GALC: variants seen among roughly 807,000 people sequenced by gnomAD.
GALC encodes galactocerebrosidase.
GALC carries 77 observed loss-of-function variants against 91.8 expected under a neutral mutation model. The observed-to-expected ratio is 0.84, with a 90% confidence interval of 0.70 to 1.01. The LOEUF (loss-of-function observed/expected upper bound fraction) is 1.01, where lower values mean the gene tolerates loss of function less well. GALC is among the 50% of genes least tolerant of loss of function. GALC has a pLI of 0.00. For missense variants in GALC, 882 were observed against 855.9 expected (o/e 1.03, Z -0.38); for synonymous variants, 357 against 306.7 (o/e 1.16, Z -1.71).
intron 9 of GALC, among the ~76,000 whole-genome samples, chr14:87,964,457 A>T (rs911385459): frequency 6.6e-6 from 1 of 152,166 alleles, no homozygotes; most frequent in Non-Finnish European, 1.5e-5. Context: ...AATGTTTATA[A>T]TCTTTTACAA....
chr14:87,950,727 T>C lies in GALC; in HGVS notation c.1183A>G (p.Ile395Val). The C allele has an allele frequency of 1.3e-6, 2 of 1,596,374 alleles. No homozygotes were observed. The highest frequency in any genetic ancestry group is 2.3e-5 in the East Asian group (1 of 44,226). Reference protein sequence around the residue: ...ETMSHKHSKCIRPFLPYFNVS... With the variant: ...ETMSHKHSKCVRPFLPYFNVS... ...TTGAAATAAGGAAGAAATGGCCGTA[T>C]GCACTTAGAATGTTTATGACTCTGA... The change falls in exon 11 of 17, where the codon ATA (isoleucine) becomes GTA (valine). Residue 395 changes from isoleucine (I) to valine (V), a missense_variant. Physicochemically the swap from Ile to Val is conservative, Grantham distance 29 (BLOSUM62 3). Coordinates refer to ENST00000261304, the MANE Select transcript of GALC (RefSeq NM_000153.4).
intron 7 of GALC, among the ~76,000 whole-genome samples, chr14:87,975,653 G>A (rs1245808950): frequency 6.6e-6 from 1 of 151,872 alleles, no homozygotes. Context: ...GTATTATTCT[G>A]CCTATTTTTG....
intron 6 of GALC, among the ~76,000 whole-genome samples, chr14:87,977,633 G>C (rs1886557896): frequency 6.6e-6 from 1 of 152,158 alleles, no homozygotes; most frequent in Non-Finnish European, 1.5e-5. Context: ...CAAGGACTCG[G>C]AAATCTCTGG....
chr14:87,952,578 T>C (rs539648884), intron 10 of GALC: 83 of 1,173,384 alleles, frequency 7.1e-5, no homozygotes, highest in Non-Finnish European at 9.3e-5. Context: ...TTCTTTAATG[T>C]CCGTTGCTGA....
At chr14:87,988,390 G>A in intron 2 of GALC, 65 bp downstream of exon 2, 1 of 1,301,350 alleles carries the variant, frequency 7.7e-7, no homozygotes, top group Non-Finnish European at 1.1e-6. Context: ...TAAATTCTAT[G>A]GTGAAATTCA....
At position 87,934,237 on chromosome 14, in the gene GALC, C is replaced by T; in HGVS notation, c.*495G>A. The T allele has an allele frequency of 2.9e-6, 4 of 1,364,236 alleles. No homozygotes were observed. The highest frequency in any genetic ancestry group is 1.7e-5 in the South Asian group (1 of 58,742). 84.5% of individuals were successfully genotyped at this position (1,364,236 alleles called of 1,614,324 possible). A position where few individuals can be genotyped will look rare whatever the true frequency, so the allele number is the denominator to read the frequency against. ...ATACTTTTTAGAGCATAAAGCATAA[C>T]AGGTTGAAGTGGTTTTCAAAAAGCT... On this transcript the variant is annotated 3_prime_UTR_variant, in exon 17 of 17. Coordinates refer to ENST00000261304, the MANE Select transcript of GALC (RefSeq NM_000153.4).
intron 10 of GALC, among the ~76,000 whole-genome samples, chr14:87,961,172 AAAG>A (rs1885785594): frequency 6.6e-6 from 1 of 152,230 alleles, no homozygotes; most frequent in Non-Finnish European, 1.5e-5. Flanking sequence ...ACATTTCTCC[AAAG>A]AAGATATACT....
At chr14:87,986,693 C>T (rs1488223738) in intron 3 of GALC, 91 bp from the exon 4 acceptor site, 9 of 753,714 alleles carry the variant, frequency 1.2e-5, no homozygotes, top group Admixed American at 2.0e-5. Flanking sequence ...CAGACACACA[C>T]TTCACAAAAG....
intron 7 of GALC, among the ~76,000 whole-genome samples, chr14:87,969,036 A>T (rs1174837190): frequency 6.6e-6 from 1 of 152,188 alleles, no homozygotes; most frequent in Non-Finnish European, 1.5e-5. Context: ...TCCCAGGCCA[A>T]AAACAAAAAA....
At position 87,941,410 on chromosome 14, in the gene GALC, C is replaced by A. The variant is rs929215561; in HGVS notation, c.1819G>T (p.Val607Phe). ...AGTCAGTTACCTAAATCACCTGTAA[C>A]CCTGTAAGATCCATTTGCAAAAATC... ...FWIFANGSYR[V>F]TGDLAGWIIY... is the part of the protein sequence containing the mutation. The change falls in exon 15 of 17, where the codon GTT becomes TTT. Residue 607 changes from valine to phenylalanine, a missense_variant. By Grantham distance (50) the Val-to-Phe change is conservative (BLOSUM62 -1). Coordinates refer to ENST00000261304, the MANE Select transcript of GALC (RefSeq NM_000153.4). 30 of 1,599,746 alleles carry A rather than the reference C, an allele frequency of 1.9e-5. No individual in the cohort carries two copies. In the Admixed American group the frequency reaches 2.9e-4, roughly 15 times the overall value.
At chr14:87,992,774 TC>T in intron 1 of GALC, 195 bp downstream of exon 1, 1 of 1,416,042 alleles carries the variant, frequency 7.1e-7, no homozygotes, top group Non-Finnish European at 9.2e-7. Context: ...CCTGTCTGGT[TC>T]GTGTTAAACG....
chr14:87,956,040 C>A (rs1885525548), intron 10 of GALC, among the ~76,000 whole-genome samples: 1 of 151,510 alleles, frequency 6.6e-6, no homozygotes, highest in South Asian at 2.1e-4. Context: ...TAACTTCAAA[C>A]CACCCCTGAA....
chr14:87,941,593 A>T, intron 14 of GALC, 35 bp from the exon 15 acceptor site: 1 of 1,357,004 alleles, frequency 7.4e-7, no homozygotes, highest in South Asian at 1.2e-5. Context: ...TACTCTTTAA[A>T]ATATGCCCTT....
chr14:87,944,545 C>A (rs976338573), intron 14 of GALC, among the ~76,000 whole-genome samples: 2 of 151,920 alleles, frequency 1.3e-5, no homozygotes, highest in Admixed American at 6.6e-5. Context: ...AGCAGAAATT[C>A]TGCGTAAAAA....
rs17797993 is a variant in GALC at position 87,982,351 on chromosome 14, C to A, written c.583-108G>T. 0.13 allele frequency: 96,293 copies of A among 737,428 alleles called. 7,277 individuals are homozygous for A. Among genetic ancestry groups the A allele is most frequent in the Middle Eastern group, 0.17 (734 of 4,302 alleles). The allele number at this position is 737,428 out of a possible 1,614,324, so 45.7% of individuals were successfully genotyped here. A position where few individuals can be genotyped will look rare whatever the true frequency, so the allele number is the denominator to read the frequency against. ...TCATCATCTTTCATATTATCTGATACGCCATTTTTTAACTTTATGGGATAT... is the reference window on the plus strand; with the variant it reads ...TCATCATCTTTCATATTATCTGATAAGCCATTTTTTAACTTTATGGGATAT... On this transcript the variant is annotated intron_variant, in intron 5 of 16. Transcript: ENST00000261304.
rs376425872 is a variant in GALC, at chr14:87,965,459, C to T, written c.1033+46G>A. The T allele has an allele frequency of 8.7e-6, 14 of 1,600,924 alleles. No homozygotes were observed. The African/African-American group carries it at 1.7e-4, about 20-fold the overall frequency. ...TTCTCTAAGTTTTTTTCTGCTTTGT[C>T]TCTTAGAGAAGAATTTAGGGAGTGA... On this transcript the variant is annotated intron_variant, in intron 9 of 16. Coordinates refer to ENST00000261304, the MANE Select transcript of GALC (RefSeq NM_000153.4).
At chr14:87,992,165 C>T in intron 1 of GALC, 4 of 895,280 alleles carry the variant, frequency 4.5e-6, no homozygotes, top group Non-Finnish European at 7.0e-6. Flanking sequence ...GGCATTCAAG[C>T]TTGTTCTGAG....
Position 87,933,871 on chromosome 14 carries a change from G to T in GALC, c.*861C>A. 1.1e-6 allele frequency: 1 copy of T among 902,062 alleles called. No individual in the cohort carries two copies. Among genetic ancestry groups the T allele is most frequent in the South Asian group, 1.6e-5 (1 of 63,802 alleles). The allele number at this position is 902,062 out of a possible 1,614,324, so 55.9% of individuals were successfully genotyped here. On this transcript the variant is annotated 3_prime_UTR_variant, in exon 17 of 17. Coordinates refer to ENST00000261304, the MANE Select transcript of GALC (RefSeq NM_000153.4). Reference sequence around the variant, plus strand: ...TCCTTCCACACATAAGGAGAGAAAAGCATTCATCAGCTGTGTGAGTCTGTT... The same window carrying T: ...TCCTTCCACACATAAGGAGAGAAAATCATTCATCAGCTGTGTGAGTCTGTT...
chr14:87,945,744 T>C lies in GALC; in HGVS notation c.1490-11A>G, dbSNP rs1382114329. ...TAAAAAATGGGTAATCTGTTCAGAA[T>C]GTAAGAAATTCTCTGTTTAGTATCA... On this transcript the variant is annotated splice_polypyrimidine_tract_variant and intron_variant, in intron 13 of 16. Transcript: ENST00000261304. The C allele has an allele frequency of 1.2e-6, 2 of 1,600,476 alleles. No individual in the cohort carries two copies. The highest frequency in any genetic ancestry group is 3.3e-5 in the Admixed American group (2 of 59,806).
Sources: gnomAD v4.1 joint callset for allele counts (sites outside exome capture counted in the v4.1 genomes callset) on GRCh38, gnomAD v4.1.1 for gene constraint, MANE v1.5 for transcripts, NCBI Gene and HGNC (gene_info 2026-07-23, HGNC 2026-07-21) for gene names.